The following KCNIP4 variants were observed in gnomAD, a reference collection of about 807,000 sequenced individuals.
KCNIP4 encodes Kv channel-interacting protein 4.
A neutral mutation model predicts 34.0 loss-of-function variants in KCNIP4; 12 were observed. The observed-to-expected ratio is 0.35, with a 90% CI of 0.23 to 0.57. The LOEUF is 0.57. KCNIP4 is among the 20% of genes least tolerant of loss of function. The pLI is 0.83. For synonymous variants in KCNIP4, 124 were observed against 102.2 expected (o/e 1.21, Z -1.29); for missense variants, 238 against 311.7 (o/e 0.76, Z 1.78).
At chr4:21,773,628 G>A in intron 1 of KCNIP4, among the ~76,000 whole-genome samples, 1 of 152,090 alleles carries the variant, frequency 6.6e-6, no homozygotes, top group East Asian at 1.9e-4. Flanking sequence ...ATTTAGAATA[G>A]TTAGGTCTTC....
In KCNIP4 at chr4:20,958,618, T is replaced by C. The variant is rs73805239; in HGVS notation, c.62-75909A>G. On this transcript the variant is annotated intron_variant, in intron 1 of 8. Coordinates refer to ENST00000382152, the MANE Select transcript of KCNIP4 (RefSeq NM_025221.6). ...TAAACTTAGAGAGAAACAGAGACTT[T>C]TAGGCCAATCATTTTCCTAAATGTC... Among the ~76,000 whole-genome samples the C allele has an allele frequency of 3.6e-3, 553 of 152,308 alleles. 6 individuals are homozygous for C. The highest frequency in any genetic ancestry group is 0.012 in the African/African-American group (496 of 41,570).
Position 21,070,663 on chromosome 4 carries a change from A to ATTTT in KCNIP4, c.62-187958_62-187955dup, listed in dbSNP as rs1203011253. ...TCTGTTTTTACTGTTGAGTTTTGAG[A>ATTTT]TTTTTTTTTTTTTTTTTTTTTTTTT... On this transcript the variant is annotated intron_variant, in intron 1 of 8. Transcript: ENST00000382152. Among the ~76,000 whole-genome samples, 15 of 49,616 alleles carry ATTTT rather than the reference A, an allele frequency of 3.0e-4. 1 individual carries two copies. The highest frequency in any genetic ancestry group is 4.1e-4 in the Non-Finnish European group (11 of 26,796). The allele number at this position is 49,616 out of a possible 152,430, so 32.6% of individuals were successfully genotyped here. A position where few individuals can be genotyped will look rare whatever the true frequency, so the allele number is the denominator to read the frequency against.
At chr4:21,483,537 C>A (rs1031473565) in intron 1 of KCNIP4, among the ~76,000 whole-genome samples, 10 of 152,144 alleles carry the variant, frequency 6.6e-5, no homozygotes, top group Admixed American at 3.9e-4. Context: ...CGCCTGTAAT[C>A]CCAGCACTTT....
At chr4:20,859,312 TG>T (rs1381270997) in intron 2 of KCNIP4, among the ~76,000 whole-genome samples, 6 of 152,208 alleles carry the variant, frequency 3.9e-5, no homozygotes, top group African/African-American at 1.4e-4. Flanking sequence ...GATGGGACTC[TG>T]GCCTCTGGAG....
intron 1 of KCNIP4, among the ~76,000 whole-genome samples, chr4:21,579,726 A>G (rs906127738): frequency 1.3e-5 from 2 of 152,212 alleles, no homozygotes; most frequent in Admixed American, 1.3e-4. Flanking sequence ...ATAATTCAGT[A>G]CAGTTGAACA....
At chr4:21,260,379 G>A (rs1761394023) in intron 1 of KCNIP4, among the ~76,000 whole-genome samples, 3 of 152,280 alleles carry the variant, frequency 2.0e-5, no homozygotes, top group Non-Finnish European at 2.9e-5. Context: ...ATAAGTATTC[G>A]TGATTGCTGT....
chr4:21,831,477 A>T (rs1404790527), intron 1 of KCNIP4, among the ~76,000 whole-genome samples: 2 of 151,972 alleles, frequency 1.3e-5, no homozygotes, highest in Non-Finnish European at 2.9e-5. Flanking sequence ...ACACTTAACA[A>T]CTGATACCAC....
At chr4:20,844,016 G>A (rs895883600) in intron 3 of KCNIP4, among the ~76,000 whole-genome samples, 3 of 152,162 alleles carry the variant, frequency 2.0e-5, no homozygotes, top group Non-Finnish European at 4.4e-5. Flanking sequence ...GAAGGGCTCT[G>A]ATATCTTTTG....
chr4:21,826,489 A>T (rs1722682870), intron 1 of KCNIP4, among the ~76,000 whole-genome samples: 1 of 151,132 alleles, frequency 6.6e-6, no homozygotes, highest in Admixed American at 6.6e-5. Context: ...TAACAACAAT[A>T]AAAAAAATAC....
At chr4:21,120,824 C>G (rs2109133864) in intron 1 of KCNIP4, among the ~76,000 whole-genome samples, 1 of 152,286 alleles carries the variant, frequency 6.6e-6, no homozygotes, top group South Asian at 2.1e-4. Flanking sequence ...AAACACCGGT[C>G]TTACTAAATT....
chr4:21,623,978 G>GAT (rs1453229937), intron 1 of KCNIP4, among the ~76,000 whole-genome samples: 6 of 151,798 alleles, frequency 4.0e-5, no homozygotes, highest in African/African-American at 1.5e-4. Flanking sequence ...GGGTGATGGT[G>GAT]ATATATATAC....
At chr4:21,791,490 G>C (rs1720281091) in intron 1 of KCNIP4, among the ~76,000 whole-genome samples, 1 of 152,100 alleles carries the variant, frequency 6.6e-6, no homozygotes, top group South Asian at 2.1e-4. Context: ...AATGGGAAGG[G>C]TGCTGCTTTT....
intron 1 of KCNIP4, among the ~76,000 whole-genome samples, chr4:21,079,218 T>C (rs1241180035): frequency 6.6e-6 from 1 of 152,092 alleles, no homozygotes; most frequent in East Asian, 1.9e-4. Context: ...CTATGACCCA[T>C]TTTTTGGCAT....
chr4:21,408,898 A>T (rs1463802738), intron 1 of KCNIP4, among the ~76,000 whole-genome samples: 2 of 152,206 alleles, frequency 1.3e-5, no homozygotes, highest in Non-Finnish European at 2.9e-5. Context: ...TTCACAAACC[A>T]GTGACATCCC....
At chr4:21,845,339 C>T (rs1019922283) in intron 1 of KCNIP4, 1 of 152,058 alleles carries the variant, frequency 6.6e-6, no homozygotes, top group Non-Finnish European at 1.5e-5. Flanking sequence ...TATGTATGGA[C>T]ATTAAAATTT....
rs543651365 is a variant in KCNIP4 at position 21,522,128 on chromosome 4, A to G, written c.61+426443T>C. The stretch of plus-strand genomic sequence containing the variant: ...TTGACAGGTGATTGTAAAATACAAG[A>G]CTATTTTAATATAATATGTGTTAGG... On this transcript the variant is annotated intron_variant, in intron 1 of 8. Coordinates refer to ENST00000382152, the MANE Select transcript of KCNIP4 (RefSeq NM_025221.6). Among the ~76,000 whole-genome samples, 4 of 152,184 alleles carry G rather than the reference A, an allele frequency of 2.6e-5. No individual in the cohort carries two copies. The South Asian group carries it at 8.3e-4, about 32-fold the overall frequency.
At chr4:21,271,179 T>C (rs1219205178) in intron 1 of KCNIP4, among the ~76,000 whole-genome samples, 4 of 152,310 alleles carry the variant, frequency 2.6e-5, no homozygotes, top group East Asian at 1.9e-4. Flanking sequence ...TCTAGTCATA[T>C]GATTTTTAAC....
At chr4:21,347,866 G>A (rs1717611633) in intron 1 of KCNIP4, among the ~76,000 whole-genome samples, 2 of 152,134 alleles carry the variant, frequency 1.3e-5, no homozygotes, top group South Asian at 4.1e-4. Flanking sequence ...GCTATGCCAT[G>A]AGAAATTAAG....
chr4:21,611,218 T>C (rs111412998), intron 1 of KCNIP4, among the ~76,000 whole-genome samples: 31 of 152,310 alleles, frequency 2.0e-4, no homozygotes, highest in African/African-American at 7.0e-4. Context: ...CAGTCTACCA[T>C]TGATGGGCAT....
Sources: allele counts gnomAD v4.1 joint callset (sites outside exome capture counted in the v4.1 genomes callset), GRCh38; gene constraint gnomAD v4.1.1; transcripts MANE v1.5; gene names NCBI Gene and HGNC (gene_info 2026-07-23, HGNC 2026-07-21).